CNKSR2: variants seen among roughly 807,000 people sequenced by gnomAD.
CNKSR2 encodes connector enhancer of kinase suppressor of Ras 2, also known as CNK homolog protein 2.
Under a neutral mutation model 84.4 loss-of-function variants are expected in CNKSR2, and 14 were observed. The ratio of observed to expected loss-of-function variants is 0.17; its 90% CI spans 0.11 to 0.26. The LOEUF (loss-of-function observed/expected upper bound fraction) is 0.26. Among genes scored for constraint, CNKSR2 ranks in the 10% least tolerant of loss-of-function variants. The pLI, the probability that CNKSR2 is intolerant of heterozygous loss-of-function variation, is 1.00. For missense variants in CNKSR2, 485 were observed against 771.2 expected, an observed-to-expected ratio of 0.63 and a Z score of 4.40; for synonymous variants, 275 against 277.9, an observed-to-expected ratio of 0.99 and a Z score of 0.10.
chrX:21,375,032 G>C, intron 1 of CNKSR2, 71 bp downstream of exon 1: 91 of 884,269 alleles, frequency 1.0e-4, no homozygotes, highest in Admixed American at 7.7e-4. Flanking sequence ...AGGAGGGGGC[G>C]CCCGCCGCGC....
chrX:21,614,207 AT>A (rs1295764851), intron 20 of CNKSR2, among the ~76,000 whole-genome samples: 1 of 110,855 alleles, frequency 9.0e-6, no homozygotes, highest in African/African-American at 3.3e-5. Context: ...TTTCCTGAAG[AT>A]TTTCTAAAGG....
chrX:21,454,669 G>A (rs1003472284), intron 4 of CNKSR2, among the ~76,000 whole-genome samples: 1 of 112,315 alleles, frequency 8.9e-6, no homozygotes, highest in Non-Finnish European at 1.9e-5. Context: ...AAAAGGACGT[G>A]AAGATCAAGT....
At chrX:21,633,074 A>C (rs765670354) in intron 20 of CNKSR2, among the ~76,000 whole-genome samples, 3 of 111,451 alleles carry the variant, frequency 2.7e-5, no homozygotes, top group Admixed American at 9.6e-5. Context: ...AGTTCTTTGA[A>C]GATCACATTT....
At chrX:21,547,202 C>A (rs923052349) in intron 11 of CNKSR2, among the ~76,000 whole-genome samples, 3 of 110,863 alleles carry the variant, frequency 2.7e-5, no homozygotes, top group African/African-American at 9.9e-5. Flanking sequence ...TGCAAAGACA[C>A]ACATGGGTTC....
intron 19 of CNKSR2, among the ~76,000 whole-genome samples, chrX:21,608,602 A>G (rs2092531373): frequency 9.0e-6 from 1 of 111,099 alleles, no homozygotes; most frequent in African/African-American, 3.3e-5. Flanking sequence ...ACATTCTCCT[A>G]TGAAGAAAAG....
At chrX:21,452,300 A>T (rs759003305) in intron 4 of CNKSR2, among the ~76,000 whole-genome samples, 1 of 110,791 alleles carries the variant, frequency 9.0e-6, no homozygotes, top group Admixed American at 9.6e-5. Context: ...CACCATGTTG[A>T]CCAGGTTGGT....
intron 1 of CNKSR2, among the ~76,000 whole-genome samples, chrX:21,418,194 C>T (rs1433623974): frequency 9.0e-6 from 1 of 111,724 alleles, no homozygotes; most frequent in African/African-American, 3.2e-5. Flanking sequence ...CTTCATACTC[C>T]CACTATTTAA....
chrX:21,580,120 C>CT (rs1415610284), intron 13 of CNKSR2, among the ~76,000 whole-genome samples: 1 of 111,545 alleles, frequency 9.0e-6, no homozygotes, highest in African/African-American at 3.2e-5. Context: ...ACCAATTTTC[C>CT]TTTTTTTAGT....
At chrX:21,400,016 A>G (rs1476971832) in intron 1 of CNKSR2, among the ~76,000 whole-genome samples, 5 of 111,004 alleles carry the variant, frequency 4.5e-5, no homozygotes, top group Admixed American at 9.6e-5. Context: ...AGTGTTGGCT[A>G]TTATTAGTAC....
intron 1 of CNKSR2, among the ~76,000 whole-genome samples, chrX:21,398,188 A>G (rs2090143961): frequency 8.9e-6 from 1 of 111,897 alleles, no homozygotes; most frequent in African/African-American, 3.2e-5. Flanking sequence ...TGTACATTGT[A>G]TGCATCATAG....
intron 8 of CNKSR2, among the ~76,000 whole-genome samples, chrX:21,510,122 T>C (rs1361666927): frequency 1.8e-5 from 2 of 111,392 alleles, no homozygotes; most frequent in Non-Finnish European, 3.8e-5. Flanking sequence ...CAGACATTCA[T>C]ATAGGCATAC....
At chrX:21,376,870 T>G (rs999983136) in intron 1 of CNKSR2, among the ~76,000 whole-genome samples, 2 of 111,686 alleles carry the variant, frequency 1.8e-5, no homozygotes, top group Non-Finnish European at 3.8e-5. Flanking sequence ...TTCTTGCAGT[T>G]TCCCCTCTCT....
chrX:21,575,222 A>G (rs146662385), intron 13 of CNKSR2, among the ~76,000 whole-genome samples: 2,013 of 111,643 alleles, frequency 0.018, 29 homozygotes, highest in African/African-American at 0.062. Context: ...AATATAAAAC[A>G]GTTTTGGTGA....
At chrX:21,493,090 A>G (rs1452019347) in intron 6 of CNKSR2, 2 of 112,357 alleles carry the variant, frequency 1.8e-5, no homozygotes, top group Non-Finnish European at 3.8e-5. Context: ...AACTGGATAC[A>G]TCGTTTATCA....
chrX:21,416,159 T>G (rs1002374052), intron 1 of CNKSR2, among the ~76,000 whole-genome samples: 1 of 111,966 alleles, frequency 8.9e-6, no homozygotes, highest in African/African-American at 3.2e-5. Flanking sequence ...GAAGTGATGT[T>G]GAATTTTATT....
chrX:21,386,239 A>G (rs1383631276), intron 1 of CNKSR2, among the ~76,000 whole-genome samples: 3 of 111,358 alleles, frequency 2.7e-5, no homozygotes, highest in Non-Finnish European at 3.8e-5. Context: ...TGAACAGCAG[A>G]CATTTTTTGG....
intron 4 of CNKSR2, among the ~76,000 whole-genome samples, chrX:21,469,083 C>T (rs1262391292): frequency 8.1e-5 from 9 of 111,699 alleles, no homozygotes; most frequent in Non-Finnish European, 1.5e-4. Flanking sequence ...GATTATTATC[C>T]ACTACTAGAG....
At chrX:21,489,495 A>G (rs2091421186) in intron 5 of CNKSR2, among the ~76,000 whole-genome samples, 1 of 111,630 alleles carries the variant, frequency 9.0e-6, no homozygotes, top group Non-Finnish European at 1.9e-5. Flanking sequence ...CAGTAAATAC[A>G]ATGAGAGTCT....
Position 21,646,607 on chromosome X carries a change from A to G in CNKSR2, c.2693-2224A>G, listed in dbSNP as rs751614545. Among the ~76,000 whole-genome samples the G allele has an allele frequency of 4.5e-5, 5 of 111,716 alleles. No homozygotes were observed. The East Asian group carries it at 8.4e-4, about 19-fold the overall frequency. ...AGGTTCTTTTAAAATAAAAATTACT[A>G]TGTAAAAATACTCTGCCTCCCTTAA... On this transcript the variant is annotated intron_variant, in intron 20 of 21. Transcript: ENST00000379510.
Sources: gnomAD v4.1 joint callset for allele counts (sites outside exome capture counted in the v4.1 genomes callset) on GRCh38, gnomAD v4.1.1 for gene constraint, MANE v1.5 for transcripts, NCBI Gene and HGNC (gene_info 2026-07-23, HGNC 2026-07-21) for gene names.